Variants in MCC observed in about 807,000 individuals in gnomAD.
MCC encodes colorectal mutant cancer protein.
In MCC, 90 loss-of-function variants were observed where a neutral mutation model predicts 116.2. The observed-to-expected ratio is 0.77, with a 90% CI of 0.65 to 0.92. MCC has a LOEUF of 0.92. Among genes scored for constraint, MCC ranks in the 40% least tolerant of loss-of-function variants. The probability of loss-of-function intolerance (pLI) is 0.00; values close to 1 mark genes in which losing one functional copy is unlikely to be tolerated. For synonymous variants in MCC, 578 were observed against 510.5 expected (o/e 1.13, Z -1.78); for missense variants, 1,516 against 1,312.2 (o/e 1.16, Z -2.40).
At chr5:113,091,957 TTCTGTGGG>T (rs1195073879) in intron 8 of MCC, among the ~76,000 whole-genome samples, 9 of 152,016 alleles carry the variant, frequency 5.9e-5, no homozygotes, top group African/African-American at 2.2e-4. Flanking sequence ...GCATCTCAGG[TTCTGTGGG>T]TCTGTGGGTG....
At chr5:113,294,663 C>G in intron 3 of MCC, 1 of 1,068,636 alleles carries the variant, frequency 9.4e-7, no homozygotes, top group Non-Finnish European at 1.1e-6. Flanking sequence ...CGGGGACCCT[C>G]CCGCGCGCAC....
intron 1 of MCC, among the ~76,000 whole-genome samples, chr5:113,453,960 A>G (rs1430427859): frequency 6.6e-6 from 1 of 152,108 alleles, no homozygotes; most frequent in Non-Finnish European, 1.5e-5. Flanking sequence ...AAAATACAAA[A>G]TTAGCCGGGT....
intron 5 of MCC, among the ~76,000 whole-genome samples, chr5:113,130,766 C>T (rs899901758): frequency 2.0e-5 from 3 of 152,156 alleles, no homozygotes; most frequent in African/African-American, 7.2e-5. Flanking sequence ...TCCCCTTCTG[C>T]CATGAGTAGA....
intron 6 of MCC, among the ~76,000 whole-genome samples, chr5:113,111,653 C>A (rs1463842592): frequency 6.6e-6 from 1 of 152,188 alleles, no homozygotes; most frequent in African/African-American, 2.4e-5. Context: ...ACCACAAATA[C>A]ACTACAGGAA....
At chr5:113,122,635 C>T (rs1393184420) in intron 6 of MCC, 49 bp downstream of exon 6, 2 of 1,597,470 alleles carry the variant, frequency 1.3e-6, no homozygotes, top group Admixed American at 1.7e-5. Context: ...ATTTCTATTA[C>T]AATCCAGAAA....
chr5:113,106,612 G>A (rs1180918482), intron 6 of MCC, among the ~76,000 whole-genome samples: 3 of 152,168 alleles, frequency 2.0e-5, no homozygotes, highest in Admixed American at 2.0e-4. Flanking sequence ...GTGGAGTACA[G>A]GCAGGGGTAC....
In MCC at chr5:113,212,405, G is replaced by A. The variant is rs148071284; in HGVS notation, c.628-60983C>T. Among the ~76,000 whole-genome samples, 63 of 152,222 alleles carry A rather than the reference G, an allele frequency of 4.1e-4. 2 individuals carry two copies. In the East Asian group the frequency reaches 0.011, roughly 28 times the overall value. On this transcript the variant is annotated intron_variant, in intron 3 of 18. Coordinates refer to ENST00000408903, the MANE Select transcript of MCC (RefSeq NM_001085377.2). ...CATGACCTGGCTCCACTCCAGGAGA[G>A]GCCACAGAGAGGGCTTCATACCATT...
intron 3 of MCC, among the ~76,000 whole-genome samples, chr5:113,265,722 T>C (rs1053977752): frequency 1.3e-5 from 2 of 152,106 alleles, no homozygotes; most frequent in Admixed American, 6.5e-5. Context: ...CCCAACTCCA[T>C]CATGCTTCCC....
At chr5:113,233,302 T>A (rs1245278934) in intron 3 of MCC, among the ~76,000 whole-genome samples, 1 of 152,206 alleles carries the variant, frequency 6.6e-6, no homozygotes, top group Non-Finnish European at 1.5e-5. Flanking sequence ...GGGCGGAAAG[T>A]TGCCAAAAGG....
At chr5:113,069,631 C>T (rs1043451326) in intron 12 of MCC, among the ~76,000 whole-genome samples, 2 of 152,202 alleles carry the variant, frequency 1.3e-5, no homozygotes, top group African/African-American at 2.4e-5. Context: ...TGCAGTGGCA[C>T]GATCTCAGCT....
chr5:113,184,486 T>G lies in MCC; in HGVS notation c.628-33064A>C, dbSNP rs953867567. On this transcript the variant is annotated intron_variant, in intron 3 of 18. Coordinates refer to ENST00000408903, the MANE Select transcript of MCC (RefSeq NM_001085377.2). The stretch of plus-strand genomic sequence containing the variant: ...TTTCTTTCTTCGTTTTTTGTTTTTT[T>G]TTTTTTTTTTTGGAGACAGAGTCTT... Among the ~76,000 whole-genome samples the G allele has an allele frequency of 1.1e-4, 16 of 148,620 alleles. 1 individual carries two copies. The highest frequency in any genetic ancestry group is 1.8e-4 in the Non-Finnish European group (12 of 66,936).
At chr5:113,169,714 C>A (rs947279568) in intron 3 of MCC, among the ~76,000 whole-genome samples, 6 of 152,100 alleles carry the variant, frequency 3.9e-5, no homozygotes, top group Non-Finnish European at 8.8e-5. Flanking sequence ...GAGCAGTCAC[C>A]TTTTGAACTG....
intron 3 of MCC, among the ~76,000 whole-genome samples, chr5:113,327,585 T>TAA (rs1196041398): frequency 8.4e-6 from 1 of 119,430 alleles, no homozygotes; most frequent in Non-Finnish European, 1.7e-5. Context: ...TATATATATA[T>TAA]AAAAATCTCA....
Position 113,434,375 on chromosome 5 carries a change from G to A in MCC, c.171-49163C>T. The A allele has an allele frequency of 6.2e-7, 1 of 1,613,990 alleles. No individual in the cohort carries two copies. The highest frequency in any genetic ancestry group is 8.5e-7 in the Non-Finnish European group (1 of 1,179,970). ...CCCGCAGGCAGCGCTTGGAGAAGCT[G>A]AAGTCGGACAGCTTGATGTTGAAGT... On this transcript the variant is annotated intron_variant, in intron 1 of 18. Transcript: ENST00000408903. The surrounding 1 kb of genome is among the most constrained non-coding windows in gnomAD (Gnocchi z 4.2).
chr5:113,223,051 T>A (rs1232773939), intron 3 of MCC, among the ~76,000 whole-genome samples: 1 of 152,120 alleles, frequency 6.6e-6, no homozygotes, highest in Non-Finnish European at 1.5e-5. Context: ...AAAATGTGTA[T>A]CCCAGGCAGC....
At chr5:113,384,098 A>C (rs1769189018) in intron 2 of MCC, among the ~76,000 whole-genome samples, 1 of 152,166 alleles carries the variant, frequency 6.6e-6, no homozygotes, top group Non-Finnish European at 1.5e-5. Context: ...TAAAATCTCA[A>C]ACATACTAAA....
chr5:113,450,636 A>G (rs1303756220), intron 1 of MCC, among the ~76,000 whole-genome samples: 1 of 152,208 alleles, frequency 6.6e-6, no homozygotes, highest in Non-Finnish European at 1.5e-5. Context: ...GGTATTTCAG[A>G]ATTTCCACTT....
intron 3 of MCC, among the ~76,000 whole-genome samples, chr5:113,207,651 T>C (rs899625733): frequency 2.0e-5 from 3 of 152,186 alleles, no homozygotes; most frequent in Non-Finnish European, 2.9e-5. Context: ...CTCCCTTGAA[T>C]AAAGGGTTTT....
chr5:113,456,695 T>C (rs1403938206), intron 1 of MCC, among the ~76,000 whole-genome samples: 2 of 141,094 alleles, frequency 1.4e-5, no homozygotes, highest in Non-Finnish European at 3.0e-5. Flanking sequence ...ATGGTCTCGA[T>C]CTCCTGACCT....
Sources: allele counts gnomAD v4.1 joint callset (sites outside exome capture counted in the v4.1 genomes callset), GRCh38; gene constraint gnomAD v4.1.1; non-coding constraint Gnocchi (gnomAD v3.1); transcripts MANE v1.5; gene names NCBI Gene and HGNC (gene_info 2026-07-23, HGNC 2026-07-21).